The following DIP2C variants were observed in gnomAD, a reference collection of about 807,000 sequenced individuals.
DIP2C encodes the protein DIP2 acetate--CoA ligase C (putative), also known as disco-interacting protein 2 homolog C.
A neutral mutation model predicts 192.4 loss-of-function variants in DIP2C; 33 were observed. The observed-to-expected ratio is 0.17, with a 90% CI of 0.13 to 0.23. The LOEUF (loss-of-function observed/expected upper bound fraction) is 0.23. DIP2C is among the 10% of genes least tolerant of loss of function. DIP2C has a pLI of 1.00. For missense variants in DIP2C, 1,537 were observed against 2,110.1 expected (o/e 0.73, Z 5.32); for synonymous variants, 979 against 864.1 (o/e 1.13, Z -2.33).
intron 3 of DIP2C, among the ~76,000 whole-genome samples, chr10:456,700 C>T (rs1969328875): frequency 6.6e-6 from 1 of 152,244 alleles, no homozygotes; most frequent in South Asian, 2.1e-4. Flanking sequence ...TTTGTCTCCA[C>T]TACACAGGGC....
chr10:589,474 G>A (rs1330022158), intron 1 of DIP2C, among the ~76,000 whole-genome samples: 1 of 152,090 alleles, frequency 6.6e-6, no homozygotes, highest in African/African-American at 2.4e-5. Context: ...TTTACATTCA[G>A]GGTTATGGTC....
intron 1 of DIP2C, among the ~76,000 whole-genome samples, chr10:654,157 G>A (rs1036210609): frequency 1.3e-5 from 2 of 152,190 alleles, no homozygotes; most frequent in African/African-American, 2.4e-5. Flanking sequence ...ACGCAGGGAG[G>A]TGCATTTCTC....
At chr10:283,481 T>C (rs368114814) in intron 34 of DIP2C, 35 bp from the exon 35 acceptor site, 63 of 1,609,004 alleles carry the variant, frequency 3.9e-5, no homozygotes, top group Non-Finnish European at 5.4e-5. Context: ...GTGGATGACA[T>C]TATTTTATCT....
At chr10:416,622 T>C (rs1173574750) in intron 6 of DIP2C, among the ~76,000 whole-genome samples, 2 of 152,222 alleles carry the variant, frequency 1.3e-5, no homozygotes, top group Admixed American at 1.3e-4. Flanking sequence ...TTTAAAATAC[T>C]GTGCTAATTA....
At position 395,434 on chromosome 10, in the gene DIP2C, A is replaced by C. The variant is rs375498535; in HGVS notation, c.1260+3675T>G. Among the ~76,000 whole-genome samples, 8 of 149,966 alleles carry C rather than the reference A, an allele frequency of 5.3e-5. No individual in the cohort carries two copies. In the East Asian group the frequency reaches 1.3e-3, roughly 25 times the overall value. On this transcript the variant is annotated intron_variant, in intron 10 of 36. Coordinates refer to ENST00000280886, the MANE Select transcript of DIP2C (RefSeq NM_014974.3). ...GTATATAATTATAACTTGTCAGTTA[A>C]AATAATATTTAAAAAGTAAAATCAA...
chr10:281,107 C>G, intron 36 of DIP2C, 93 bp downstream of exon 36: 5 of 1,549,668 alleles, frequency 3.2e-6, no homozygotes, highest in Non-Finnish European at 4.4e-6. Context: ...CCTACCTTAA[C>G]AAAACTCTCC....
At chr10:464,106 C>T (rs943852616) in intron 3 of DIP2C, among the ~76,000 whole-genome samples, 4 of 152,144 alleles carry the variant, frequency 2.6e-5, no homozygotes, top group Non-Finnish European at 5.9e-5. Flanking sequence ...AATACTAAAA[C>T]ACCAAAAGCA....
chr10:669,514 T>A (rs1364809443), intron 1 of DIP2C: 1 of 152,154 alleles, frequency 6.6e-6, no homozygotes, highest in African/African-American at 2.4e-5. Flanking sequence ...AGCCGAAAAA[T>A]AACATTAATT....
intron 4 of DIP2C, among the ~76,000 whole-genome samples, chr10:435,750 C>CA (rs1462558848): frequency 1.3e-5 from 2 of 152,180 alleles, no homozygotes; most frequent in Admixed American, 6.5e-5. Context: ...TCCCCAACTC[C>CA]ATTGTAATAA....
chr10:593,717 G>A (rs1323335936), intron 1 of DIP2C, among the ~76,000 whole-genome samples: 1 of 152,172 alleles, frequency 6.6e-6, no homozygotes. Flanking sequence ...CACAGCAAGT[G>A]CTGAAGAAAT....
intron 1 of DIP2C, among the ~76,000 whole-genome samples, chr10:582,709 T>C (rs1850745075): frequency 6.6e-6 from 1 of 152,196 alleles, no homozygotes; most frequent in Non-Finnish European, 1.5e-5. Context: ...CCAAACCAAG[T>C]GTTCACGCCC....
At chr10:552,806 G>A (rs1346160176) in intron 1 of DIP2C, among the ~76,000 whole-genome samples, 1 of 152,206 alleles carries the variant, frequency 6.6e-6, no homozygotes, top group East Asian at 1.9e-4. Context: ...CCAAAATCAT[G>A]TCACTGCACT....
At chr10:332,740 T>C (rs1190518259) in intron 29 of DIP2C, among the ~76,000 whole-genome samples, 1 of 152,228 alleles carries the variant, frequency 6.6e-6, no homozygotes, top group Non-Finnish European at 1.5e-5. Context: ...TTCAGATTAC[T>C]AACCTGACAA....
rs1051329005 is a variant in DIP2C, at chr10:320,656, C to T, written c.3924+6350G>A. Among the ~76,000 whole-genome samples the T allele has an allele frequency of 6.6e-5, 10 of 151,696 alleles. No homozygotes were observed. The East Asian group carries it at 7.9e-4, about 12-fold the overall frequency. On this transcript the variant is annotated intron_variant, in intron 31 of 36. Transcript: ENST00000280886. Reference sequence around the variant, plus strand: ...GCTCTTAGCTGAGTGTGGTGGCTCACGCCTGTAATCCCAGTGCTTTGGGAG... The same window carrying T: ...GCTCTTAGCTGAGTGTGGTGGCTCATGCCTGTAATCCCAGTGCTTTGGGAG...
At chr10:301,454 G>A (rs1956044180) in intron 32 of DIP2C, among the ~76,000 whole-genome samples, 1 of 152,152 alleles carries the variant, frequency 6.6e-6, no homozygotes, top group East Asian at 1.9e-4. Flanking sequence ...GGTCACAGTG[G>A]GTGGGAACTG....
At chr10:445,258 G>C (rs1363910468) in intron 3 of DIP2C, among the ~76,000 whole-genome samples, 1 of 151,674 alleles carries the variant, frequency 6.6e-6, no homozygotes, top group Non-Finnish European at 1.5e-5. Context: ...ATGGCCCATG[G>C]GGCATCTGTA....
intron 32 of DIP2C, among the ~76,000 whole-genome samples, chr10:309,043 C>T (rs569810679): frequency 7.9e-5 from 12 of 152,276 alleles, no homozygotes; most frequent in African/African-American, 1.2e-4. Context: ...CGGCTGCTGA[C>T]GGCGATAAGG....
chr10:577,000 CT>C (rs1163331962), intron 1 of DIP2C, among the ~76,000 whole-genome samples: 1 of 152,138 alleles, frequency 6.6e-6, no homozygotes, highest in Non-Finnish European at 1.5e-5. Context: ...AATTCATTAG[CT>C]GGTAGTTGAT....
chr10:336,705 G>A (rs552010769), intron 29 of DIP2C, among the ~76,000 whole-genome samples: 1 of 152,316 alleles, frequency 6.6e-6, no homozygotes, highest in Admixed American at 6.5e-5. Context: ...TCCAGGAGAA[G>A]GTATTGTTAT....
Sources: allele counts gnomAD v4.1 joint callset (sites outside exome capture counted in the v4.1 genomes callset), GRCh38; gene constraint gnomAD v4.1.1; transcripts MANE v1.5; gene names NCBI Gene and HGNC (gene_info 2026-07-23, HGNC 2026-07-21).